SPON1: variants seen among roughly 807,000 people sequenced by gnomAD.
The protein encoded by SPON1 is spondin 1.
A neutral mutation model predicts 111.7 loss-of-function variants in SPON1; 52 were observed. The ratio of observed to expected loss-of-function variants is 0.47; its 90% CI spans 0.37 to 0.59. SPON1 has a LOEUF of 0.59. SPON1 is among the 20% of genes least tolerant of loss of function. SPON1 has a pLI of 0.00. For synonymous variants in SPON1, 410 were observed against 395.8 expected (o/e 1.04, Z -0.43); for missense variants, 957 against 1,068.5 (o/e 0.90, Z 1.46).
intron 6 of SPON1, among the ~76,000 whole-genome samples, chr11:14,222,478 A>G (rs1469124088): frequency 6.6e-6 from 1 of 152,200 alleles, no homozygotes; most frequent in East Asian, 1.9e-4. Context: ...AGAGATCCCA[A>G]TTCAGTAGCG....
At chr11:14,263,320 A>G (rs556010785) in intron 15 of SPON1, among the ~76,000 whole-genome samples, 1 of 152,270 alleles carries the variant, frequency 6.6e-6, no homozygotes, top group Non-Finnish European at 1.5e-5. Context: ...CTTTGCTCAA[A>G]GTCAGTTATG....
At chr11:14,173,652 G>C (rs1848136673) in intron 6 of SPON1, among the ~76,000 whole-genome samples, 1 of 152,172 alleles carries the variant, frequency 6.6e-6, no homozygotes, top group South Asian at 2.1e-4. Context: ...TGATGATGGT[G>C]ACGTACAGAT....
intron 1 of SPON1, among the ~76,000 whole-genome samples, chr11:13,977,300 T>G (rs899446020): frequency 6.6e-6 from 1 of 152,246 alleles, no homozygotes; most frequent in Admixed American, 6.5e-5. Flanking sequence ...TAATTTTCAC[T>G]TCTATCAACA....
chr11:14,082,137 G>C (rs1554922116), intron 5 of SPON1, among the ~76,000 whole-genome samples: 1 of 151,992 alleles, frequency 6.6e-6, no homozygotes, highest in African/African-American at 2.4e-5. Flanking sequence ...GAAGCTTCTT[G>C]ACCTTTCCTA....
chr11:14,234,054 C>T (rs1023503938), intron 6 of SPON1, among the ~76,000 whole-genome samples: 4 of 152,068 alleles, frequency 2.6e-5, no homozygotes, highest in East Asian at 1.9e-4. Context: ...CCAAAGCACC[C>T]GACCCCCAGT....
At chr11:14,164,711 C>A (rs996991605) in intron 6 of SPON1, among the ~76,000 whole-genome samples, 4 of 152,030 alleles carry the variant, frequency 2.6e-5, no homozygotes, top group African/African-American at 7.2e-5. Context: ...ATGCAGGAGA[C>A]CGGAGTTTTA....
chr11:13,967,031 T>C (rs879979081), intron 1 of SPON1, among the ~76,000 whole-genome samples: 1 of 152,270 alleles, frequency 6.6e-6, no homozygotes, highest in Non-Finnish European at 1.5e-5. Flanking sequence ...ATCTCACTTA[T>C]TCCTTACAGT....
At chr11:14,138,718 C>A (rs1307662738) in intron 6 of SPON1, among the ~76,000 whole-genome samples, 1 of 152,126 alleles carries the variant, frequency 6.6e-6, no homozygotes, top group Non-Finnish European at 1.5e-5. Context: ...AACACTTCAT[C>A]CCACTAAGAC....
intron 6 of SPON1, among the ~76,000 whole-genome samples, chr11:14,147,923 C>T (rs557344878): frequency 6.6e-6 from 1 of 152,052 alleles, no homozygotes; most frequent in Non-Finnish European, 1.5e-5. Flanking sequence ...AAATGATGTT[C>T]AACTTCATTT....
chr11:14,262,313 C>G, intron 14 of SPON1: 1 of 240,646 alleles, frequency 4.2e-6, no homozygotes, highest in Admixed American at 4.9e-5. Flanking sequence ...CTCCAAAGAG[C>G]AGCAGGGGGC....
intron 6 of SPON1, among the ~76,000 whole-genome samples, chr11:14,184,097 A>G (rs1848262751): frequency 6.6e-6 from 1 of 152,172 alleles, no homozygotes; most frequent in African/African-American, 2.4e-5. Flanking sequence ...ATTCAACCGA[A>G]CAATAATTTC....
chr11:14,135,318 C>A lies in SPON1; in HGVS notation c.677-102C>A. The A allele has an allele frequency of 7.5e-7, 1 of 1,327,214 alleles. No individual in the cohort carries two copies. The highest frequency in any genetic ancestry group is 1.0e-6 in the Non-Finnish European group (1 of 955,064). 82.2% of individuals were successfully genotyped at this position (1,327,214 alleles called of 1,614,324 possible). On this transcript the variant is annotated intron_variant, in intron 5 of 15. Transcript: ENST00000576479. The surrounding 1 kb of genome is among the most constrained non-coding windows in gnomAD (Gnocchi z 4.4). ...AGACAGAATAGGTGCTTAGTCAGTGCTCTTTGAATCGATGTCCAATTACGC... is the reference window on the plus strand; with the variant it reads ...AGACAGAATAGGTGCTTAGTCAGTGATCTTTGAATCGATGTCCAATTACGC...
At chr11:14,017,234 C>T (rs1281818166) in intron 2 of SPON1, among the ~76,000 whole-genome samples, 2 of 152,080 alleles carry the variant, frequency 1.3e-5, no homozygotes, top group African/African-American at 4.8e-5. Context: ...GTCATTGTTT[C>T]TTTAAGCATT....
chr11:14,076,316 G>C (rs1328603419), intron 4 of SPON1, among the ~76,000 whole-genome samples: 2 of 152,036 alleles, frequency 1.3e-5, no homozygotes, highest in African/African-American at 4.8e-5. Context: ...AGAGCAATTA[G>C]TGTTTGGAGA....
intron 1 of SPON1, among the ~76,000 whole-genome samples, chr11:13,977,853 T>A (rs1848114389): frequency 6.6e-6 from 1 of 152,236 alleles, no homozygotes; most frequent in African/African-American, 2.4e-5. Flanking sequence ...CTGTGTATGA[T>A]GTGAGTTAAG....
At chr11:14,198,713 C>T (rs570069348) in intron 6 of SPON1, among the ~76,000 whole-genome samples, 1 of 152,288 alleles carries the variant, frequency 6.6e-6, no homozygotes, top group South Asian at 2.1e-4. Flanking sequence ...TTCCTTTTAC[C>T]TGAGGGAGGG....
At chr11:14,084,637 G>T (rs1554922403) in intron 5 of SPON1, among the ~76,000 whole-genome samples, 1 of 152,220 alleles carries the variant, frequency 6.6e-6, no homozygotes, top group East Asian at 1.9e-4. Flanking sequence ...ATAGTAGCAT[G>T]ATTTATAATC....
intron 5 of SPON1, among the ~76,000 whole-genome samples, chr11:14,091,555 G>A (rs960954752): frequency 1.7e-4 from 26 of 152,286 alleles, no homozygotes; most frequent in African/African-American, 5.8e-4. Context: ...TACACCCTCC[G>A]CAGCCACTGG....
At chr11:13,992,821 C>G (rs1168802771) in intron 2 of SPON1, among the ~76,000 whole-genome samples, 2 of 151,882 alleles carry the variant, frequency 1.3e-5, no homozygotes, top group Non-Finnish European at 1.5e-5. Context: ...TTCCCTGACC[C>G]CTTGCTCTTC....
Sources: gnomAD v4.1 joint callset for allele counts (sites outside exome capture counted in the v4.1 genomes callset) on GRCh38, gnomAD v4.1.1 for gene constraint, Gnocchi (gnomAD v3.1) non-coding constraint, MANE v1.5 for transcripts, NCBI Gene and HGNC (gene_info 2026-07-23, HGNC 2026-07-21) for gene names.